The following GPR158 variants were observed in gnomAD, a reference collection of about 807,000 sequenced individuals.
The protein encoded by GPR158 is G protein-coupled receptor 158, also known as metabotropic glycine receptor.
Under a neutral mutation model 78.2 loss-of-function variants are expected in GPR158, and 30 were observed. The observed-to-expected ratio is 0.38, with a 90% confidence interval of 0.29 to 0.52. The LOEUF (loss-of-function observed/expected upper bound fraction) is 0.52. Among genes scored for constraint, GPR158 ranks in the 20% least tolerant of loss-of-function variants. GPR158 has a pLI of 0.83. For synonymous variants in GPR158, 581 were observed against 591.1 expected (o/e 0.98, Z 0.25); for missense variants, 1,463 against 1,523.5 (o/e 0.96, Z 0.66).
chr10:25,309,293 T>C, intron 2 of GPR158, among the ~76,000 whole-genome samples: 1 of 152,116 alleles, frequency 6.6e-6, no homozygotes, highest in African/African-American at 2.4e-5. Flanking sequence ...TATTTGCACT[T>C]TCCTAATGGT....
chr10:25,301,133 A>G (rs904488287), intron 2 of GPR158, among the ~76,000 whole-genome samples: 3 of 152,190 alleles, frequency 2.0e-5, no homozygotes, highest in African/African-American at 7.2e-5. Flanking sequence ...TTCAAAATAT[A>G]TTGAGATAAT....
Position 25,600,199 on chromosome 10 carries a change from T to C in GPR158, c.*925T>C, listed in dbSNP as rs1837475806. ...GGTCCTACTTAGTCATATGTCTCAA[T>C]AAGTTAAGGACAACTTATCCGTTGT... On this transcript the variant is annotated 3_prime_UTR_variant, in exon 11 of 11. Transcript: ENST00000376351. 6.6e-6 allele frequency: 1 copy of C among 152,650 alleles called. No homozygotes were observed. The highest frequency in any genetic ancestry group is 1.5e-5 in the Non-Finnish European group (1 of 68,036). 9.5% of individuals were successfully genotyped at this position (152,650 alleles called of 1,614,324 possible). A position where few individuals can be genotyped will look rare whatever the true frequency, so the allele number is the denominator to read the frequency against.
At chr10:25,358,197 T>A (rs1456559280) in intron 2 of GPR158, among the ~76,000 whole-genome samples, 1 of 152,090 alleles carries the variant, frequency 6.6e-6, no homozygotes, top group Middle Eastern at 3.2e-3. Context: ...CTAACTTGCT[T>A]GTGATTTCAC....
chr10:25,365,526 G>C (rs753242866), intron 2 of GPR158, among the ~76,000 whole-genome samples: 15 of 151,636 alleles, frequency 9.9e-5, no homozygotes, highest in Non-Finnish European at 1.8e-4. Flanking sequence ...CACATTCTGA[G>C]TTTTGCATAA....
chr10:25,331,205 G>C (rs1404565651), intron 2 of GPR158, among the ~76,000 whole-genome samples: 1 of 152,174 alleles, frequency 6.6e-6, no homozygotes, highest in African/African-American at 2.4e-5. Flanking sequence ...CTCCCAAAGT[G>C]CTGGGATTAC....
At chr10:25,300,893 T>C (rs1472937733) in intron 2 of GPR158, among the ~76,000 whole-genome samples, 4 of 152,050 alleles carry the variant, frequency 2.6e-5, no homozygotes, top group Non-Finnish European at 5.9e-5. Flanking sequence ...ATTGATTGAA[T>C]TCATTTGGCT....
chr10:25,418,818 T>C (rs1000973333), intron 4 of GPR158, among the ~76,000 whole-genome samples: 1 of 128,418 alleles, frequency 7.8e-6, no homozygotes, highest in African/African-American at 3.0e-5. Flanking sequence ...AGTTTAGTAA[T>C]TTAGAAGAAA....
chr10:25,231,189 G>A (rs372890817), intron 2 of GPR158, among the ~76,000 whole-genome samples: 4 of 152,292 alleles, frequency 2.6e-5, no homozygotes, highest in Admixed American at 6.5e-5. Context: ...GCTTATAGGA[G>A]TTGATGTCCA....
chr10:25,541,351 T>C (rs544231486), intron 5 of GPR158, among the ~76,000 whole-genome samples: 22 of 152,216 alleles, frequency 1.4e-4, no homozygotes, highest in African/African-American at 5.3e-4. Context: ...GTGAATATCT[T>C]CTCCCAGCAT....
At chr10:25,180,002 T>C (rs949822790) in intron 1 of GPR158, among the ~76,000 whole-genome samples, 2 of 152,144 alleles carry the variant, frequency 1.3e-5, no homozygotes, top group Non-Finnish European at 2.9e-5. Flanking sequence ...CTGGTGGTGG[T>C]TGGAATTGTT....
intron 5 of GPR158, among the ~76,000 whole-genome samples, chr10:25,527,782 G>A (rs927287852): frequency 6.6e-6 from 1 of 151,916 alleles, no homozygotes; most frequent in African/African-American, 2.4e-5. Context: ...TTATAAAGTT[G>A]ATAAACCTCT....
intron 2 of GPR158, among the ~76,000 whole-genome samples, chr10:25,330,605 G>A (rs1855104847): frequency 6.6e-6 from 1 of 152,300 alleles, no homozygotes; most frequent in East Asian, 1.9e-4. Flanking sequence ...TTAGGAAACA[G>A]TTTATGGTCT....
intron 1 of GPR158, among the ~76,000 whole-genome samples, chr10:25,178,614 G>A (rs1333460587): frequency 2.0e-5 from 3 of 152,274 alleles, no homozygotes; most frequent in East Asian, 1.9e-4. Context: ...GTATTCTTCA[G>A]CCAAGGCACA....
chr10:25,437,548 T>C (rs1318653189), intron 4 of GPR158, among the ~76,000 whole-genome samples: 1 of 152,200 alleles, frequency 6.6e-6, no homozygotes, highest in East Asian at 1.9e-4. Flanking sequence ...TTGATTGAGA[T>C]TGCATTTAAT....
At chr10:25,595,399 ATTAT>A (rs1226211427) in intron 9 of GPR158, among the ~76,000 whole-genome samples, 2 of 152,246 alleles carry the variant, frequency 1.3e-5, no homozygotes, top group Non-Finnish European at 2.9e-5. Flanking sequence ...CTATACTGAG[ATTAT>A]TTAATAAATT....
intron 4 of GPR158, among the ~76,000 whole-genome samples, chr10:25,423,150 T>C (rs1326383395): frequency 2.0e-5 from 3 of 147,056 alleles, no homozygotes; most frequent in African/African-American, 7.9e-5. Context: ...TACATATATA[T>C]GTATATGTAT....
intron 2 of GPR158, among the ~76,000 whole-genome samples, chr10:25,238,538 G>T (rs1275106683): frequency 6.6e-6 from 1 of 152,164 alleles, no homozygotes; most frequent in Admixed American, 6.5e-5. Flanking sequence ...GCTTAGTGTG[G>T]TTTATTGAGC....
At chr10:25,440,670 A>T (rs1835055561) in intron 4 of GPR158, among the ~76,000 whole-genome samples, 1 of 152,222 alleles carries the variant, frequency 6.6e-6, no homozygotes. Flanking sequence ...TCTCTTATTT[A>T]TAAAGGTACT....
intron 2 of GPR158, among the ~76,000 whole-genome samples, chr10:25,349,824 T>C (rs1740103991): frequency 6.7e-6 from 1 of 149,106 alleles, no homozygotes; most frequent in African/African-American, 2.6e-5. Context: ...TGTCTTTGGA[T>C]AGGGGCATGA....
Sources: gnomAD v4.1 joint callset for allele counts (sites outside exome capture counted in the v4.1 genomes callset) on GRCh38, gnomAD v4.1.1 for gene constraint, MANE v1.5 for transcripts, NCBI Gene and HGNC (gene_info 2026-07-23, HGNC 2026-07-21) for gene names.